EYA2: variants seen among roughly 807,000 people sequenced by gnomAD.
EYA2 encodes protein phosphatase EYA2.
In EYA2, 31 loss-of-function variants were observed where a neutral mutation model predicts 69.2. The observed-to-expected ratio is 0.45, with a 90% CI of 0.34 to 0.60. The LOEUF is 0.60. Among genes scored for constraint, EYA2 ranks in the 20% least tolerant of loss-of-function variants. The probability of loss-of-function intolerance (pLI) is 0.02; values close to 1 mark genes in which losing one functional copy is unlikely to be tolerated. For missense variants in EYA2, 622 were observed against 701.2 expected, an observed-to-expected ratio of 0.89 and a Z score of 1.28; for synonymous variants, 257 against 279.4, an observed-to-expected ratio of 0.92 and a Z score of 0.80.
intron 7 of EYA2, among the ~76,000 whole-genome samples, chr20:47,084,761 G>C (rs2031837916): frequency 6.6e-6 from 1 of 151,964 alleles, no homozygotes; most frequent in Admixed American, 6.6e-5. Flanking sequence ...GCAAGGATGT[G>C]GAGCAGCCAG....
chr20:47,134,899 G>A (rs568648402), intron 9 of EYA2, among the ~76,000 whole-genome samples: 5 of 151,990 alleles, frequency 3.3e-5, no homozygotes, highest in South Asian at 4.2e-4. Flanking sequence ...AGGCTGAGGC[G>A]GGCGGATCAT....
chr20:47,050,119 T>C (rs1056327344), intron 5 of EYA2, among the ~76,000 whole-genome samples: 11 of 152,312 alleles, frequency 7.2e-5, no homozygotes, highest in African/African-American at 2.4e-4. Context: ...GAGTGCCTCG[T>C]AAGATCACAA....
Position 47,001,935 on chromosome 20 carries a change from AT to A in EYA2, c.155+472del, listed in dbSNP as rs375314942. Among the ~76,000 whole-genome samples, 59 of 114,576 alleles carry A rather than the reference AT, an allele frequency of 5.1e-4. 1 individual carries two copies. In the East Asian group the frequency reaches 0.011, roughly 22 times the overall value. 75.2% of individuals were successfully genotyped at this position (114,576 alleles called of 152,430 possible). A position where few individuals can be genotyped will look rare whatever the true frequency, so the allele number is the denominator to read the frequency against. On this transcript the variant is annotated intron_variant, in intron 3 of 15. Coordinates refer to ENST00000327619, the MANE Select transcript of EYA2 (RefSeq NM_005244.5). Reference sequence around the variant, plus strand: ...TTCCCTTCTTTTCAATCTCCCTTCTATTTTTTTTTTCTCCGAGACAGAGTCT... The same window carrying A: ...TTCCCTTCTTTTCAATCTCCCTTCTATTTTTTTTTCTCCGAGACAGAGTCT...
chr20:46,950,172 A>G (rs962588364), intron 1 of EYA2, among the ~76,000 whole-genome samples: 7 of 152,222 alleles, frequency 4.6e-5, no homozygotes, highest in African/African-American at 1.7e-4. Context: ...CCAGGATAAC[A>G]TGTAGTGAAG....
At position 47,097,132 on chromosome 20, in the gene EYA2, C is replaced by T. The variant is rs1233141943; in HGVS notation, c.852C>T (p.Ser284=). ...ATGAGACAATAATTATTTTTCACTC[C>T]TTACTCACGGGGACATTTGCATCCA... ...DLDETIIIFH[S]LLTGTFASRY... The change falls in exon 9 of 16, where the codon TCC becomes TCT. Residue 284 remains serine, a synonymous_variant. Coordinates refer to ENST00000327619, the MANE Select transcript of EYA2 (RefSeq NM_005244.5). The T allele has an allele frequency of 4.3e-6, 7 of 1,611,260 alleles. No homozygotes were observed. Among genetic ancestry groups the T allele is most frequent in the Admixed American group, 1.7e-5 (1 of 59,402 alleles).
rs56834738 is a variant in EYA2 at position 46,908,870 on chromosome 20, CTTTTT to C, written c.-11+13916_-11+13920del. On this transcript the variant is annotated intron_variant, in intron 1 of 15. Transcript: ENST00000327619. ...AAAGGCACTAAGCCTCTCTCCCGCA[CTTTTT>C]TTTTTTTTTTTTTTTTTTTTTTTTT... Among the ~76,000 whole-genome samples the C allele has an allele frequency of 8.4e-3, 400 of 47,484 alleles. 3 individuals carry two copies. Among genetic ancestry groups the C allele is most frequent in the Non-Finnish European group, 0.01 (286 of 27,620 alleles). The allele number at this position is 47,484 out of a possible 152,430, so 31.2% of individuals were successfully genotyped here.
At chr20:47,103,613 A>G (rs11697729) in intron 9 of EYA2, among the ~76,000 whole-genome samples, 23,088 of 152,204 alleles carry the variant, frequency 0.15, 2,058 homozygotes, top group Admixed American at 0.27. Context: ...GAGAAAGTTC[A>G]GAGTGTAGGG....
chr20:47,044,199 G>A (rs183781911), intron 5 of EYA2, among the ~76,000 whole-genome samples: 155 of 152,310 alleles, frequency 1.0e-3, no homozygotes, highest in Non-Finnish European at 1.5e-4. Context: ...AACATATGGC[G>A]TTAAGGTGTC....
At chr20:47,073,170 G>C (rs2031378914) in intron 6 of EYA2, among the ~76,000 whole-genome samples, 1 of 152,156 alleles carries the variant, frequency 6.6e-6, no homozygotes, top group South Asian at 2.1e-4. Context: ...CAGCTCTGGG[G>C]TGGGGCCCAG....
chr20:46,959,356 GA>G (rs1391625028), intron 1 of EYA2, among the ~76,000 whole-genome samples: 3 of 152,198 alleles, frequency 2.0e-5, no homozygotes, highest in Non-Finnish European at 4.4e-5. Flanking sequence ...GGTGGGGGCT[GA>G]TGCTGTGCAT....
rs190633628 is a variant in EYA2 at position 46,982,843 on chromosome 20, G to A, written c.-10-7158G>A. On this transcript the variant is annotated intron_variant, in intron 1 of 15. Transcript: ENST00000327619. ...GGCTGGAGTGCAATGGTGCAATCTC[G>A]GCTCACTGCAACCTCCGCCTCCTGG... 7.0e-3 allele frequency among the ~76,000 whole-genome samples: 1,026 copies of A among 146,770 alleles called. 19 individuals carry two copies. Among genetic ancestry groups the A allele is most frequent in the African/African-American group, 0.024 (945 of 39,406 alleles).
chr20:46,978,811 G>C (rs1275202419), intron 1 of EYA2, among the ~76,000 whole-genome samples: 2 of 152,218 alleles, frequency 1.3e-5, no homozygotes, highest in African/African-American at 4.8e-5. Context: ...ATAAGGCCTG[G>C]AGATGGATTG....
intron 3 of EYA2, among the ~76,000 whole-genome samples, chr20:47,004,526 C>T (rs989561476): frequency 6.6e-6 from 1 of 152,170 alleles, no homozygotes; most frequent in Non-Finnish European, 1.5e-5. Context: ...TGAAACCCTG[C>T]AAGGCAGCTC....
In EYA2 at chr20:46,987,987, TATATATATATGG is replaced by T. The variant is rs1256770260; in HGVS notation, c.-10-2013_-10-2002del. The stretch of plus-strand genomic sequence containing the variant: ...CTCTATATATATATATATATATATA[TATATATATATGG>T]GGCAAAAAAAAAATACAGAATAAAA... On this transcript the variant is annotated intron_variant, in intron 1 of 15. Coordinates refer to ENST00000327619, the MANE Select transcript of EYA2 (RefSeq NM_005244.5). Among the ~76,000 whole-genome samples, 194 of 79,672 alleles carry T rather than the reference TATATATATATGG, an allele frequency of 2.4e-3. 6 individuals are homozygous for T. Among genetic ancestry groups the T allele is most frequent in the African/African-American group, 3.6e-3 (57 of 16,056 alleles). The allele number at this position is 79,672 out of a possible 152,430, so 52.3% of individuals were successfully genotyped here. A position where few individuals can be genotyped will look rare whatever the true frequency, so the allele number is the denominator to read the frequency against.
intron 1 of EYA2, among the ~76,000 whole-genome samples, chr20:46,943,894 C>T (rs1025770668): frequency 4.6e-5 from 7 of 152,260 alleles, no homozygotes; most frequent in East Asian, 1.9e-4. Flanking sequence ...TCTTTTCCTG[C>T]GCTCTCTTTT....
At chr20:46,897,768 T>C (rs1007331) in intron 1 of EYA2, among the ~76,000 whole-genome samples, 33,678 of 152,098 alleles carry the variant, frequency 0.22, 4,992 homozygotes, top group Non-Finnish European at 0.32. Context: ...TTTAGACACA[T>C]GCCTTTCCTA....
chr20:46,985,577 T>C (rs550251639), intron 1 of EYA2, among the ~76,000 whole-genome samples: 1 of 152,304 alleles, frequency 6.6e-6, no homozygotes, highest in South Asian at 2.1e-4. Flanking sequence ...TGATAATACA[T>C]ATGACATAGC....
At chr20:47,015,646 C>T (rs2146369139) in intron 4 of EYA2, among the ~76,000 whole-genome samples, 1 of 152,264 alleles carries the variant, frequency 6.6e-6, no homozygotes, top group Admixed American at 6.5e-5. Flanking sequence ...TCATACCTAC[C>T]AAGCTGGCAG....
chr20:47,161,584 G>A (rs543393461), intron 10 of EYA2: 71 of 316,286 alleles, frequency 2.2e-4, no homozygotes, highest in African/African-American at 1.5e-3. Context: ...TGAGCTCCTC[G>A]GCCTTGGCCC....
Sources: gnomAD v4.1 joint callset for allele counts (sites outside exome capture counted in the v4.1 genomes callset) on GRCh38, gnomAD v4.1.1 for gene constraint, MANE v1.5 for transcripts, NCBI Gene and HGNC (gene_info 2026-07-23, HGNC 2026-07-21) for gene names.